SMCHD1: variants seen among roughly 807,000 people sequenced by gnomAD.
The protein encoded by SMCHD1 is structural maintenance of chromosomes flexible hinge domain-containing protein 1.
Under a neutral mutation model 254.7 loss-of-function variants are expected in SMCHD1, and 78 were observed. The ratio of observed to expected loss-of-function variants is 0.31; its 90% CI spans 0.26 to 0.37. SMCHD1 has a LOEUF of 0.37. SMCHD1 is among the 10% of genes least tolerant of loss of function. The pLI, the probability that SMCHD1 is intolerant of heterozygous loss-of-function variation, is 1.00. For missense variants in SMCHD1, 1,840 were observed against 2,408.1 expected (o/e 0.76, Z 4.94); for synonymous variants, 766 against 794.9 (o/e 0.96, Z 0.61).
At chr18:2,700,307 T>C (rs2074373302) in intron 10 of SMCHD1, among the ~76,000 whole-genome samples, 1 of 152,222 alleles carries the variant, frequency 6.6e-6, no homozygotes, top group African/African-American at 2.4e-5. Context: ...GTTTTAAAGA[T>C]GACAGGCCCA....
At chr18:2,784,823 G>A in intron 45 of SMCHD1, 3 of 617,682 alleles carry the variant, frequency 4.9e-6, no homozygotes, top group Non-Finnish European at 5.9e-6. Flanking sequence ...TTTATCCTTT[G>A]TATTTTCATT....
At chr18:2,760,400 T>C in intron 34 of SMCHD1, 2 of 281,490 alleles carry the variant, frequency 7.1e-6, no homozygotes, top group Non-Finnish European at 1.3e-5. Flanking sequence ...CTCAACTTCA[T>C]ATTCCTGTTC....
In SMCHD1 at chr18:2,724,940, A is replaced by C; in HGVS notation, c.2645A>C (p.Asn882Thr). 6.3e-7 allele frequency: 1 copy of C among 1,595,170 alleles called. No homozygotes were observed. ...LHYEEITKGP[N>T]CVIRGVTAKG... is the part of the protein sequence containing the mutation. Reference sequence around the variant, plus strand: ...TATGAAGAAATAACCAAAGGACCAAATTGTGTAATTCGAGGTGTTACAGCC... The same window carrying C: ...TATGAAGAAATAACCAAAGGACCAACTTGTGTAATTCGAGGTGTTACAGCC... The change falls in exon 21 of 48, where the codon AAT becomes ACT. Residue 882 changes from asparagine (N) to threonine (T), a missense_variant. Transcript: ENST00000320876.
chr18:2,708,953 ATTG>A lies in SMCHD1; in HGVS notation c.2260+1038_2260+1040del, dbSNP rs559007449. 5.2e-3 allele frequency among the ~76,000 whole-genome samples: 694 copies of A among 133,070 alleles called. 11 individuals carry two copies. Among genetic ancestry groups the A allele is most frequent in the African/African-American group, 0.016 (587 of 35,662 alleles). 87.3% of individuals were successfully genotyped at this position (133,070 alleles called of 152,430 possible). On this transcript the variant is annotated intron_variant, in intron 17 of 47. Coordinates refer to ENST00000320876, the MANE Select transcript of SMCHD1 (RefSeq NM_015295.3). ...ATGAAGTGGCATTAAGTACATTCAT[ATTG>A]TTGTGCAACCATTACCACTATCCAT...
At chr18:2,796,563 C>T in intron 47 of SMCHD1, 42 bp downstream of exon 47, 1 of 1,328,308 alleles carries the variant, frequency 7.5e-7, no homozygotes, top group South Asian at 1.3e-5. Context: ...GTTAGTTTAC[C>T]AAAGTTCTTG....
intron 40 of SMCHD1, among the ~76,000 whole-genome samples, chr18:2,772,048 A>G (rs1419414797): frequency 1.3e-5 from 2 of 152,008 alleles, no homozygotes; most frequent in African/African-American, 4.8e-5. Flanking sequence ...TGGGAACTTT[A>G]TATTACTATA....
chr18:2,724,873 G>C, intron 20 of SMCHD1, 26 bp from the exon 21 acceptor site: 1 of 1,442,992 alleles, frequency 6.9e-7, no homozygotes. Flanking sequence ...ATTGAGGGGA[G>C]TTAAAAAATA....
Position 2,769,727 on chromosome 18 carries a change from G to T in SMCHD1, c.4753G>T (p.Asp1585Tyr), listed in dbSNP as rs1458500893. The T allele has an allele frequency of 6.2e-7, 1 of 1,601,864 alleles. No individual in the cohort carries two copies. ...LVLAESSPGR[D>Y]STEYFIVFEP... ...GCTGGCAGAAAGTAGTCCTGGAAGG[G>T]ATAGTACTGAATATTTTATTGTATT... Residue 1585 changes from aspartate to tyrosine, a missense_variant, in exon 38 of 48, where the codon GAT (aspartate) becomes TAT (tyrosine). Physicochemically the swap from Asp to Tyr is radical, Grantham distance 160 (BLOSUM62 -3). Coordinates refer to ENST00000320876, the MANE Select transcript of SMCHD1 (RefSeq NM_015295.3).
In SMCHD1 at chr18:2,738,427, C is replaced by T. The variant is rs929636155; in HGVS notation, c.3307C>T (p.His1103Tyr). 2 of 1,607,648 alleles carry T rather than the reference C, an allele frequency of 1.2e-6. No individual in the cohort carries two copies. Among genetic ancestry groups the T allele is most frequent in the East Asian group, 2.2e-5 (1 of 44,658 alleles). The change falls in exon 26 of 48, where the codon CAC becomes TAC. Residue 1103 changes from histidine (H) to tyrosine (Y), a missense_variant. Around this residue, in one of 9 missense-constraint regions of SMCHD1, gnomAD observed 881 missense variants for 1,009.5 expected, o/e 0.87. Coordinates refer to ENST00000320876, the MANE Select transcript of SMCHD1 (RefSeq NM_015295.3). ...TTGGACTCCTGAGATTAACAAAGAA[C>T]ACTTGCTACAGGGTCTGCTTCCTGA... ...VNWTPEINKE[H>Y]LLQGLLPDVQ...
intron 1 of SMCHD1, among the ~76,000 whole-genome samples, chr18:2,662,282 A>G (rs1042823207): frequency 1.3e-5 from 2 of 152,032 alleles, no homozygotes; most frequent in Non-Finnish European, 2.9e-5. Context: ...TTAGGTGAAC[A>G]TAGATCTTAA....
At chr18:2,732,202 C>A in intron 24 of SMCHD1, 63 bp from the exon 25 acceptor site, 5 of 1,257,366 alleles carry the variant, frequency 4.0e-6, no homozygotes, top group Non-Finnish European at 5.7e-6. Flanking sequence ...AAAGTAAATT[C>A]TTCAGGAGTG....
chr18:2,793,533 C>CG (rs1188744984), intron 45 of SMCHD1, among the ~76,000 whole-genome samples: 1 of 151,696 alleles, frequency 6.6e-6, no homozygotes, highest in East Asian at 1.9e-4. Context: ...GGTGTGGTGG[C>CG]GGGCGCCTGT....
Position 2,718,334 on chromosome 18 carries a change from GA to G in SMCHD1, c.2360del (p.Asn787IlefsTer4), listed in dbSNP as rs2074847146. 6.2e-7 allele frequency: 1 copy of G among 1,611,044 alleles called. No homozygotes were observed. Among genetic ancestry groups the G allele is most frequent in the Non-Finnish European group, 8.5e-7 (1 of 1,177,890 alleles). ...KKMENIQKLG[N>X]YTLKLQVVLN... Reference sequence around the variant, plus strand: ...ATCCAGAAAATATTCAGAAGTTGGGGAATTATACCTTGAAATTACAAGTTGT... The same window carrying G: ...ATCCAGAAAATATTCAGAAGTTGGGGATTATACCTTGAAATTACAAGTTGT... On this transcript the variant is annotated frameshift_variant, in exon 19 of 48. Transcript: ENST00000320876. LOFTEE classifies it high-confidence loss of function. This position sits in a 1 kb window ranked among gnomAD's most constrained non-coding sequence, Gnocchi z 4.6.
chr18:2,768,811 T>C (rs1048603216), intron 37 of SMCHD1, among the ~76,000 whole-genome samples: 1 of 151,702 alleles, frequency 6.6e-6, no homozygotes, highest in Non-Finnish European at 1.5e-5. Flanking sequence ...ATTTTTAAAA[T>C]GCAAATAGTA....
At chr18:2,710,957 C>G (rs562263847) in intron 17 of SMCHD1, among the ~76,000 whole-genome samples, 1 of 151,790 alleles carries the variant, frequency 6.6e-6, no homozygotes, top group African/African-American at 2.4e-5. Context: ...TGATGTATTG[C>G]GTTGATTGGT....
intron 24 of SMCHD1, among the ~76,000 whole-genome samples, chr18:2,730,701 T>C (rs2075122649): frequency 6.6e-6 from 1 of 152,230 alleles, no homozygotes; most frequent in African/African-American, 2.4e-5. Context: ...ATAATCTAAT[T>C]GGTTGATTAA....
rs192200361 is a variant in SMCHD1, at chr18:2,672,320, A to G, written c.425-961A>G. 2.2e-4 allele frequency among the ~76,000 whole-genome samples: 33 copies of G among 151,968 alleles called. No individual in the cohort carries two copies. In the East Asian group the frequency reaches 6.0e-3, roughly 28 times the overall value. ...TGGCTCACTGCAACCTCTGCCTCCC[A>G]GGTTCAAGCGATTCTCCTGCCTCAG... On this transcript the variant is annotated intron_variant, in intron 3 of 47. Coordinates refer to ENST00000320876, the MANE Select transcript of SMCHD1 (RefSeq NM_015295.3).
intron 37 of SMCHD1, among the ~76,000 whole-genome samples, chr18:2,768,669 T>TGCACTATATACTATACTACTAGTATA (rs2075918308): frequency 8.8e-6 from 1 of 113,314 alleles, no homozygotes; most frequent in Non-Finnish European, 2.1e-5. Context: ...TAGTATATAG[T>TGCACTATATACTATACTACTAGTATA]GTACTATATA....
rs569605302 is a variant in SMCHD1, at chr18:2,767,676, G to A, written c.4720-2018G>A. Among the ~76,000 whole-genome samples the A allele has an allele frequency of 4.6e-5, 6 of 130,858 alleles. No individual in the cohort carries two copies. The East Asian group carries it at 9.7e-4, about 21-fold the overall frequency. The allele number at this position is 130,858 out of a possible 152,430, so 85.8% of individuals were successfully genotyped here. A position where few individuals can be genotyped will look rare whatever the true frequency, so the allele number is the denominator to read the frequency against. On this transcript the variant is annotated intron_variant, in intron 37 of 47. Transcript: ENST00000320876. ...GCACTCTTGGCTCAGTGCAACCTCC[G>A]CCTCCTGGGTTCAAACAATCCTCCC...
Sources: gnomAD v4.1 joint callset for allele counts (sites outside exome capture counted in the v4.1 genomes callset) on GRCh38, gnomAD v4.1.1 for gene constraint, gnomAD v4.1.1 regional missense constraint, Gnocchi (gnomAD v3.1) non-coding constraint, MANE v1.5 for transcripts, NCBI Gene and HGNC (gene_info 2026-07-23, HGNC 2026-07-21) for gene names.